The following XPR1 variants were observed in gnomAD, a reference collection of about 807,000 sequenced individuals.
XPR1 encodes xenotropic and polytropic retrovirus receptor 1.
XPR1 carries 28 observed loss-of-function variants against 87.5 expected under a neutral mutation model. The ratio of observed to expected loss-of-function variants is 0.32; its 90% CI spans 0.24 to 0.44. The LOEUF is 0.44. XPR1 is among the 20% of genes least tolerant of loss of function. XPR1 has a pLI of 1.00. For synonymous variants in XPR1, 300 were observed against 306.1 expected (o/e 0.98, Z 0.21); for missense variants, 559 against 862.3 (o/e 0.65, Z 4.41).
chr1:180,866,920 T>A (rs1335434197), intron 12 of XPR1, among the ~76,000 whole-genome samples: 4 of 121,720 alleles, frequency 3.3e-5, no homozygotes, highest in African/African-American at 1.3e-4. Flanking sequence ...CACTAACGTG[T>A]CATCTAGCAT....
intron 13 of XPR1, among the ~76,000 whole-genome samples, chr1:180,875,457 C>G (rs530833759): frequency 3.5e-5 from 5 of 141,368 alleles, no homozygotes; most frequent in African/African-American, 1.1e-4. Context: ...TGCAGTGAGT[C>G]AAGATCATGC....
chr1:180,757,500 C>A, intron 2 of XPR1, among the ~76,000 whole-genome samples: 1 of 140,638 alleles, frequency 7.1e-6, no homozygotes, highest in South Asian at 2.3e-4. Context: ...TGGAAAGTTA[C>A]TAGGCCTTTT....
chr1:180,788,183 C>T (rs1054159659), intron 3 of XPR1, among the ~76,000 whole-genome samples: 2 of 152,202 alleles, frequency 1.3e-5, no homozygotes, highest in Non-Finnish European at 2.9e-5. Context: ...ATGAATTACA[C>T]AGTTCCAGCT....
intron 7 of XPR1, among the ~76,000 whole-genome samples, chr1:180,817,405 G>A (rs942342286): frequency 6.6e-6 from 1 of 152,122 alleles, no homozygotes; most frequent in Admixed American, 6.5e-5. Flanking sequence ...CTCACTCACT[G>A]ACTCACCCAG....
chr1:180,865,003 A>G (rs1223076974), intron 12 of XPR1, among the ~76,000 whole-genome samples: 4 of 152,188 alleles, frequency 2.6e-5, no homozygotes, highest in African/African-American at 9.7e-5. Context: ...TTTCTACTCT[A>G]TCAGCATGTC....
intron 2 of XPR1, among the ~76,000 whole-genome samples, chr1:180,761,809 GAC>G (rs1648044144): frequency 6.6e-6 from 1 of 152,128 alleles, no homozygotes; most frequent in African/African-American, 2.4e-5. Context: ...CTGCTATAAA[GAC>G]ACATGCACAC....
intron 2 of XPR1, among the ~76,000 whole-genome samples, chr1:180,763,940 C>T (rs60931073): frequency 6.6e-6 from 1 of 152,166 alleles, no homozygotes. Context: ...TAGGTTGTTG[C>T]TGTTGTCTAA....
chr1:180,853,898 AGT>A (rs1651953432), intron 11 of XPR1, among the ~76,000 whole-genome samples: 1 of 151,400 alleles, frequency 6.6e-6, no homozygotes, highest in South Asian at 2.1e-4. Context: ...ATGTCTCATA[AGT>A]GTAATACAGT....
chr1:180,884,277 A>G lies in XPR1; in HGVS notation c.*211A>G, dbSNP rs974432835. 4.1e-6 allele frequency: 2 copies of G among 484,904 alleles called. No homozygotes were observed. Among genetic ancestry groups the G allele is most frequent in the African/African-American group, 4.0e-5 (2 of 50,612 alleles). The allele number at this position is 484,904 out of a possible 1,614,324, so 30.0% of individuals were successfully genotyped here. ...GTTTAATTTTAATTTTCTATTTTCA[A>G]AACAAATATTTACTTCATTTGCCAA... On this transcript the variant is annotated 3_prime_UTR_variant, in exon 15 of 15. Coordinates refer to ENST00000367590, the MANE Select transcript of XPR1 (RefSeq NM_004736.4).
At chr1:180,797,773 T>C (rs1649640558) in intron 3 of XPR1, among the ~76,000 whole-genome samples, 1 of 152,206 alleles carries the variant, frequency 6.6e-6, no homozygotes, top group African/African-American at 2.4e-5. Flanking sequence ...TTTTTTCAGG[T>C]AGCTTCTAAG....
At chr1:180,649,085 G>A (rs1655210363) in intron 1 of XPR1, among the ~76,000 whole-genome samples, 1 of 152,032 alleles carries the variant, frequency 6.6e-6, no homozygotes, top group African/African-American at 2.4e-5. Flanking sequence ...ATCCCCAAGA[G>A]CATTTTCTAG....
intron 2 of XPR1, among the ~76,000 whole-genome samples, chr1:180,760,917 G>C (rs1394045801): frequency 5.3e-5 from 8 of 152,070 alleles, no homozygotes; most frequent in Admixed American, 3.3e-4. Flanking sequence ...CCAAAACAGA[G>C]ATATAGATCA....
chr1:180,667,598 A>T (rs1004404633), intron 1 of XPR1, among the ~76,000 whole-genome samples: 4 of 152,290 alleles, frequency 2.6e-5, no homozygotes, highest in Non-Finnish European at 1.5e-5. Flanking sequence ...TTTGGTATCA[A>T]AGTAATACTG....
intron 2 of XPR1, among the ~76,000 whole-genome samples, chr1:180,774,771 GCTATATGT>G (rs1648648990): frequency 6.6e-6 from 1 of 151,970 alleles, no homozygotes; most frequent in Non-Finnish European, 1.5e-5. Flanking sequence ...TTTCTCTTTA[GCTATATGT>G]CTTAGTCCAT....
At chr1:180,757,782 G>A (rs955786047) in intron 2 of XPR1, among the ~76,000 whole-genome samples, 30 of 148,236 alleles carry the variant, frequency 2.0e-4, no homozygotes, top group African/African-American at 5.0e-5. Context: ...CCAAAGCACT[G>A]GGATTGCAGG....
chr1:180,787,286 GTTTTTTTTTT>G lies in XPR1; in HGVS notation c.122-466_122-457del, dbSNP rs1558008102. ...GTGGTCTTACAAAGAGGTTTTTTTT[GTTTTTTTTTT>G]GTTTTTTTTGTTTTTGTTTTTTTGA... On this transcript the variant is annotated intron_variant, in intron 2 of 14. Transcript: ENST00000367590. Among the ~76,000 whole-genome samples, 1,179 of 146,444 alleles carry G rather than the reference GTTTTTTTTTT, an allele frequency of 8.1e-3. 15 individuals carry two copies. Among genetic ancestry groups the G allele is most frequent in the African/African-American group, 0.028 (1,126 of 40,320 alleles).
intron 4 of XPR1, 77 bp downstream of exon 4, chr1:180,803,688 A>G: frequency 7.8e-7 from 1 of 1,274,876 alleles, no homozygotes; most frequent in Non-Finnish European, 1.1e-6. Context: ...ACCCTAAAGT[A>G]TTACCAGTGG....
At chr1:180,690,537 A>C (rs1656943099) in intron 2 of XPR1, among the ~76,000 whole-genome samples, 1 of 151,928 alleles carries the variant, frequency 6.6e-6, no homozygotes, top group Non-Finnish European at 1.5e-5. Context: ...CCATGATCTC[A>C]CCTTCTACAT....
intron 2 of XPR1, among the ~76,000 whole-genome samples, chr1:180,717,018 G>A (rs1184477588): frequency 6.6e-6 from 1 of 152,164 alleles, no homozygotes; most frequent in Non-Finnish European, 1.5e-5. Flanking sequence ...TGGAGATGGA[G>A]TTTCACTCTT....
Sources: allele counts gnomAD v4.1 joint callset (sites outside exome capture counted in the v4.1 genomes callset), GRCh38; gene constraint gnomAD v4.1.1; transcripts MANE v1.5; gene names NCBI Gene and HGNC (gene_info 2026-07-23, HGNC 2026-07-21).